GOT2: variants seen among roughly 807,000 people sequenced by gnomAD.
The protein encoded by GOT2 is aspartate aminotransferase, mitochondrial.
In GOT2, 17 loss-of-function variants were observed where a neutral mutation model predicts 50.0. The observed-to-expected ratio is 0.34, with a 90% CI of 0.23 to 0.51. The LOEUF is 0.51. Among genes scored for constraint, GOT2 ranks in the 20% least tolerant of loss-of-function variants. The probability of loss-of-function intolerance (pLI) is 0.97; values close to 1 mark genes in which losing one functional copy is unlikely to be tolerated. For missense variants in GOT2, 430 were observed against 559.6 expected (o/e 0.77, Z 2.34); for synonymous variants, 172 against 204.9 (o/e 0.84, Z 1.37).
intron 1 of GOT2, among the ~76,000 whole-genome samples, chr16:58,726,568 C>T (rs1486344846): frequency 1.3e-5 from 2 of 151,264 alleles, no homozygotes; most frequent in East Asian, 3.9e-4. Context: ...GATCGTGGCT[C>T]ACTGCAACCT....
At chr16:58,711,536 A>C (rs1368735327) in intron 8 of GOT2, among the ~76,000 whole-genome samples, 1 of 152,222 alleles carries the variant, frequency 6.6e-6, no homozygotes, top group Non-Finnish European at 1.5e-5. Context: ...GAGAGATCAC[A>C]AACTGCCAAT....
intron 8 of GOT2, among the ~76,000 whole-genome samples, chr16:58,711,732 T>C (rs1443655087): frequency 6.6e-6 from 1 of 152,196 alleles, no homozygotes; most frequent in Non-Finnish European, 1.5e-5. Context: ...TTATGGCATC[T>C]GATTTTAAAT....
chr16:58,718,747 G>T (rs77387848), intron 4 of GOT2, 59 bp from the exon 5 acceptor site: 4 of 1,382,922 alleles, frequency 2.9e-6, no homozygotes, highest in Non-Finnish European at 3.9e-6. Context: ...AAAAAATGTT[G>T]ATGTGTTTTA....
chr16:58,717,792 G>A (rs1291254623), intron 6 of GOT2, among the ~76,000 whole-genome samples: 1 of 152,206 alleles, frequency 6.6e-6, no homozygotes, highest in African/African-American at 2.4e-5. Flanking sequence ...CTGGGTTCAA[G>A]TGATTCTCCT....
rs1418811412 is a variant in GOT2 at position 58,723,800 on chromosome 16, A to C, written c.192T>G (p.Val64=). The C allele has an allele frequency of 6.2e-7, 1 of 1,612,936 alleles. No homozygotes were observed. Among genetic ancestry groups the C allele is most frequent in the Non-Finnish European group, 8.5e-7 (1 of 1,179,084 alleles). The change falls in exon 2 of 10, where the codon GTT becomes GTG. Residue 64 remains valine, a synonymous_variant. Transcript: ENST00000245206. ...DTNSKKMNLG[V]GAYRDDNGKP... is the part of the protein sequence containing the mutation. The stretch of plus-strand genomic sequence containing the variant: ...TTCCATTATCATCCCGGTAGGCACC[A>C]ACTCCCAGATTCATCTTTTTGCTAT...
At chr16:58,719,573 C>G (rs1411737563) in intron 3 of GOT2, among the ~76,000 whole-genome samples, 4 of 152,062 alleles carry the variant, frequency 2.6e-5, no homozygotes, top group Non-Finnish European at 4.4e-5. Context: ...GCCTGGCCAA[C>G]ATGGCGAGAC....
chr16:58,718,863 A>C (rs1436430670), intron 4 of GOT2, among the ~76,000 whole-genome samples, 175 bp from the exon 5 acceptor site: 1 of 152,208 alleles, frequency 6.6e-6, no homozygotes, highest in Admixed American at 6.5e-5. Flanking sequence ...TCTGACAGTT[A>C]TACTGGCCAT....
intron 6 of GOT2, among the ~76,000 whole-genome samples, chr16:58,717,854 C>G (rs968298947): frequency 6.6e-6 from 1 of 152,102 alleles, no homozygotes; most frequent in African/African-American, 2.4e-5. Context: ...CTACGCCCAG[C>G]TAATTTTGTA....
At chr16:58,718,114 C>T (rs2044709395) in intron 6 of GOT2, 82 bp downstream of exon 6, 1 of 968,292 alleles carries the variant, frequency 1.0e-6, no homozygotes, top group African/African-American at 1.6e-5. Flanking sequence ...GGTTAAGACT[C>T]TCTGTTGAGA....
chr16:58,731,070 A>T (rs1424968568), intron 1 of GOT2, among the ~76,000 whole-genome samples: 2 of 152,228 alleles, frequency 1.3e-5, no homozygotes, highest in African/African-American at 4.8e-5. Context: ...CTTTAAAATC[A>T]GAAGGGAAGT....
At chr16:58,713,873 A>G (rs1269074001) in intron 8 of GOT2, among the ~76,000 whole-genome samples, 2 of 152,184 alleles carry the variant, frequency 1.3e-5, no homozygotes, top group Non-Finnish European at 2.9e-5. Context: ...TCACTCGGCC[A>G]TGGCAGCAAA....
chr16:58,721,229 C>T (rs2044737167), intron 3 of GOT2, among the ~76,000 whole-genome samples: 1 of 152,066 alleles, frequency 6.6e-6, no homozygotes, highest in African/African-American at 2.4e-5. Context: ...CTTAATTTTG[C>T]TAGTTTGTAT....
At chr16:58,708,627 A>G (rs200944086) in intron 9 of GOT2, among the ~76,000 whole-genome samples, 2 of 17,570 alleles carry the variant, frequency 1.1e-4, no homozygotes, top group East Asian at 2.7e-3. Flanking sequence ...TCAAAAAAAG[A>G]AAAAAAAAAA....
At position 58,734,162 on chromosome 16, in the gene GOT2, C is replaced by T; in HGVS notation, c.67G>A (p.Ala23Thr). ...TACCTGGCTCTGGCAGAGGCCGCGG[C>T]GGCGAGGCCCGGGTGGAAGGCGGCG... Reference protein sequence around the residue: ...IAAAFHPGLAAAASARASSWW... With the variant: ...IAAAFHPGLATAASARASSWW... Residue 23 changes from alanine to threonine, a missense_variant, in exon 1 of 10, where the codon GCC becomes ACC. Coordinates refer to ENST00000245206, the MANE Select transcript of GOT2 (RefSeq NM_002080.4). 2 of 1,331,626 alleles carry T rather than the reference C, an allele frequency of 1.5e-6. No homozygotes were observed. Among genetic ancestry groups the T allele is most frequent in the South Asian group, 2.5e-5 (1 of 39,808 alleles). The allele number at this position is 1,331,626 out of a possible 1,614,324, so 82.5% of individuals were successfully genotyped here.
At chr16:58,722,025 C>T (rs879780455) in intron 3 of GOT2, 125 bp downstream of exon 3, 30 of 1,006,194 alleles carry the variant, frequency 3.0e-5, no homozygotes, top group Non-Finnish European at 3.7e-5. Flanking sequence ...GATGAACCAC[C>T]CGCCTTGGCC....
chr16:58,712,773 C>T (rs2044659667), intron 8 of GOT2, among the ~76,000 whole-genome samples: 2 of 151,986 alleles, frequency 1.3e-5, no homozygotes, highest in South Asian at 2.1e-4. Flanking sequence ...AAAACCAAAA[C>T]CAGTCCTGCA....
At chr16:58,730,718 C>T (rs1378713433) in intron 1 of GOT2, among the ~76,000 whole-genome samples, 2 of 152,198 alleles carry the variant, frequency 1.3e-5, no homozygotes, top group Non-Finnish European at 2.9e-5. Flanking sequence ...CTTTCAACTC[C>T]TCCATGCCTT....
intron 1 of GOT2, 39 bp from the exon 2 acceptor site, chr16:58,723,941 G>T (rs372494282): frequency 1.3e-4 from 194 of 1,551,946 alleles, no homozygotes; most frequent in Middle Eastern, 1.7e-4. Context: ...CCATTAGCTA[G>T]ATCCAAGATC....
At position 58,708,112 on chromosome 16, in the gene GOT2, C is replaced by G. The variant is rs1283734728; in HGVS notation, c.*59G>C. ...ACCCTCTCTCATTGTCTGTGTGAAGCTCTCAATAGCAGAGGCTGAAGACAG... is the reference window on the plus strand; with the variant it reads ...ACCCTCTCTCATTGTCTGTGTGAAGGTCTCAATAGCAGAGGCTGAAGACAG... On this transcript the variant is annotated 3_prime_UTR_variant, in exon 10 of 10. Coordinates refer to ENST00000245206, the MANE Select transcript of GOT2 (RefSeq NM_002080.4). The G allele has an allele frequency of 1.3e-5, 20 of 1,562,278 alleles. No individual in the cohort carries two copies. The highest frequency in any genetic ancestry group is 1.7e-5 in the Non-Finnish European group (19 of 1,143,580).
Sources: gnomAD v4.1 joint callset for allele counts (sites outside exome capture counted in the v4.1 genomes callset) on GRCh38, gnomAD v4.1.1 for gene constraint, MANE v1.5 for transcripts, NCBI Gene and HGNC (gene_info 2026-07-23, HGNC 2026-07-21) for gene names.